ANKRD62: variants seen among roughly 807,000 people sequenced by gnomAD.
The protein encoded by ANKRD62 is ankyrin repeat domain-containing protein 62.
ANKRD62 carries 61 observed loss-of-function variants against 98.8 expected under a neutral mutation model. The ratio of observed to expected loss-of-function variants is 0.62; its 90% CI spans 0.50 to 0.76. The LOEUF (loss-of-function observed/expected upper bound fraction) is 0.76. Ranked by LOEUF, ANKRD62 falls within the 30% of genes least tolerant of loss-of-function variation. The probability of loss-of-function intolerance (pLI) is 0.00; values close to 1 mark genes in which losing one functional copy is unlikely to be tolerated. For missense variants in ANKRD62, 933 were observed against 1,082.9 expected (o/e 0.86, Z 1.94); for synonymous variants, 341 against 367.9 (o/e 0.93, Z 0.84).
At position 12,097,793 on chromosome 18, in the gene ANKRD62, G is replaced by A; in HGVS notation, c.752+16G>A. 1 of 1,534,164 alleles carries A rather than the reference G, an allele frequency of 6.5e-7. No individual in the cohort carries two copies. The highest frequency in any genetic ancestry group is 1.2e-5 in the South Asian group (1 of 82,826). ...AGTTTCAAGCGTAAGTGTTAAAAAG[G>A]CTAGTGAACACTAAATTGAGGTTTA... On this transcript the variant is annotated intron_variant, in intron 5 of 13. Coordinates refer to ENST00000587848, the MANE Select transcript of ANKRD62 (RefSeq NM_001277333.2).
chr18:12,145,427 G>A, the ANKRD62 span, among the ~76,000 whole-genome samples: 1 of 152,204 alleles, frequency 6.6e-6, no homozygotes, highest in Admixed American at 6.5e-5. Flanking sequence ...CCACGACTGG[G>A]GACCCACTAA....
At chr18:12,109,777 T>C (rs1909495418) in intron 8 of ANKRD62, among the ~76,000 whole-genome samples, 1 of 152,114 alleles carries the variant, frequency 6.6e-6, no homozygotes, top group South Asian at 2.1e-4. Context: ...AAGAACCAGA[T>C]AGTAACAATT....
chr18:12,172,291 T>C, the ANKRD62 span, among the ~76,000 whole-genome samples: 1 of 152,230 alleles, frequency 6.6e-6, no homozygotes, highest in Non-Finnish European at 1.5e-5. Flanking sequence ...CCTTTGGTGT[T>C]CGATGATGGT....
chr18:12,126,311 G>C lies in ANKRD62; in HGVS notation c.2490G>C (p.Lys830Asn). 1 of 1,533,776 alleles carries C rather than the reference G, an allele frequency of 6.5e-7. No individual in the cohort carries two copies. Among genetic ancestry groups the C allele is most frequent in the African/African-American group, 1.4e-5 (1 of 72,848 alleles). Residue 830 changes from lysine to asparagine, a missense_variant, in exon 13 of 14, where the codon AAG becomes AAC. By Grantham distance (94) the Lys-to-Asn change is moderately conservative (BLOSUM62 0). Transcript: ENST00000587848. ...AECRKLEENN[K>N]GLMKECTLLK... ...GTAGAAAGCTAGAAGAGAACAATAA[G>C]GGGTTGATGAAGGAATGCACTCTTT...
chr18:12,113,499 G>A (rs1048592447), intron 8 of ANKRD62, among the ~76,000 whole-genome samples: 7 of 152,244 alleles, frequency 4.6e-5, no homozygotes, highest in Admixed American at 1.3e-4. Context: ...GGTGGCACTC[G>A]CCTATAATCC....
chr18:12,174,398 G>A, the ANKRD62 span, among the ~76,000 whole-genome samples: 23 of 152,240 alleles, frequency 1.5e-4, no homozygotes, highest in Admixed American at 3.9e-4. Flanking sequence ...CAGCTCGTGC[G>A]TTGTTTTATT....
In ANKRD62 at chr18:12,125,962, G is replaced by A. The variant is rs1909881235; in HGVS notation, c.2141G>A (p.Ser714Asn). Reference protein sequence around the residue: ...QQLSKAESTSSGLETELHYER... With the variant: ...QQLSKAESTSNGLETELHYER... ...CTTTCTAAAGCTGAGAGTACATCCA[G>A]TGGCCTGGAAACTGAGCTCCATTAT... The change falls in exon 13 of 14, where the codon AGT becomes AAT. Residue 714 changes from serine to asparagine, a missense_variant. Coordinates refer to ENST00000587848, the MANE Select transcript of ANKRD62 (RefSeq NM_001277333.2). 1.3e-6 allele frequency: 2 copies of A among 1,537,632 alleles called. No homozygotes were observed. Among genetic ancestry groups the A allele is most frequent in the Non-Finnish European group, 8.7e-7 (1 of 1,146,916 alleles).
At chr18:12,140,099 G>A in the ANKRD62 span, among the ~76,000 whole-genome samples, 6 of 151,796 alleles carry the variant, frequency 4.0e-5, no homozygotes, top group East Asian at 1.9e-4. Context: ...CATTCATTTC[G>A]TCTTCCATCA....
At chr18:12,134,994 G>A in the ANKRD62 span, among the ~76,000 whole-genome samples, 1 of 151,812 alleles carries the variant, frequency 6.6e-6, no homozygotes, top group Non-Finnish European at 1.5e-5. Context: ...CACCAACAGT[G>A]TAAAAGTGTT....
the ANKRD62 span, among the ~76,000 whole-genome samples, chr18:12,172,134 C>T: frequency 6.6e-6 from 1 of 152,232 alleles, no homozygotes; most frequent in African/African-American, 2.4e-5. Flanking sequence ...AAGCCTTCTT[C>T]TCTCAACTCG....
downstream of ANKRD62, among the ~76,000 whole-genome samples, chr18:12,131,736 AGTGTGTGTGTGTGT>A (rs59080091): frequency 6.7e-6 from 1 of 148,716 alleles, no homozygotes; most frequent in African/African-American, 2.5e-5. Context: ...TGTATGTGTG[AGTGTGTGTGTGTGT>A]GTGTGTGTGT....
chr18:12,171,047 A>G, the ANKRD62 span, among the ~76,000 whole-genome samples: 25 of 150,656 alleles, frequency 1.7e-4, no homozygotes, highest in Middle Eastern at 3.4e-3. Context: ...ACGTGAGATG[A>G]GTCTTCTGAA....
chr18:12,131,644 G>A (rs28758791), downstream of ANKRD62, among the ~76,000 whole-genome samples: 811 of 152,208 alleles, frequency 5.3e-3, 6 homozygotes, highest in African/African-American at 0.018. Flanking sequence ...AAGGCCAAGA[G>A]ATGCTAGACT....
the ANKRD62 span, among the ~76,000 whole-genome samples, chr18:12,169,127 C>CT: frequency 2.0e-5 from 3 of 152,152 alleles, no homozygotes; most frequent in Non-Finnish European, 2.9e-5. Context: ...TCTCTTATTT[C>CT]TTTATCTTGC....
chr18:12,166,155 C>T, the ANKRD62 span, among the ~76,000 whole-genome samples: 952 of 152,196 alleles, frequency 6.3e-3, 4 homozygotes, highest in Non-Finnish European at 0.011. Context: ...TATAACCTTT[C>T]TGTACTTGGA....
At chr18:12,176,081 A>C in the ANKRD62 span, among the ~76,000 whole-genome samples, 1 of 151,584 alleles carries the variant, frequency 6.6e-6, no homozygotes. Flanking sequence ...AATCCCAGCT[A>C]CTCGGAAGAC....
the ANKRD62 span, among the ~76,000 whole-genome samples, chr18:12,135,196 C>G: frequency 8.8e-6 from 1 of 113,750 alleles, no homozygotes; most frequent in Admixed American, 1.0e-4. Flanking sequence ...TCCCCCCTCC[C>G]CCCACCCCAC....
At chr18:12,102,085 A>G in intron 6 of ANKRD62, 2 of 1,366,496 alleles carry the variant, frequency 1.5e-6, no homozygotes, top group Non-Finnish European at 2.1e-6. Context: ...TGAAAGTGCC[A>G]GAAGCTCTGC....
At chr18:12,124,721 T>TG in intron 12 of ANKRD62, among the ~76,000 whole-genome samples, 1 of 119,266 alleles carries the variant, frequency 8.4e-6, no homozygotes, top group Non-Finnish European at 1.8e-5. Flanking sequence ...CTTCTTTGAG[T>TG]TTTGAAAGAA....
Sources: gnomAD v4.1 joint callset for allele counts (sites outside exome capture counted in the v4.1 genomes callset) on GRCh38, gnomAD v4.1.1 for gene constraint, MANE v1.5 for transcripts, NCBI Gene and HGNC (gene_info 2026-07-23, HGNC 2026-07-21) for gene names.